The following IQCJ variants were observed in gnomAD, a reference collection of about 807,000 sequenced individuals.
IQCJ encodes IQ motif containing J.
IQCJ carries 9 observed loss-of-function variants against 11.0 expected under a neutral mutation model. That is an observed-to-expected ratio of 0.82 (90% CI 0.49 to 1.43). The LOEUF is 1.43. Among genes scored for constraint, IQCJ ranks in the 40% most tolerant of loss-of-function variants. IQCJ has a pLI of 0.00. For missense variants in IQCJ, 146 were observed against 133.2 expected, an observed-to-expected ratio of 1.10 and a Z score of -0.47; for synonymous variants, 55 against 51.3, an observed-to-expected ratio of 1.07 and a Z score of -0.31.
intron 1 of IQCJ, among the ~76,000 whole-genome samples, chr3:159,223,671 C>T (rs1725681283): frequency 6.6e-6 from 1 of 152,116 alleles, no homozygotes; most frequent in African/African-American, 2.4e-5. Flanking sequence ...ACCAAAAAGT[C>T]TTAGAAATAA....
At chr3:159,148,681 T>A (rs1280412795) in intron 1 of IQCJ, among the ~76,000 whole-genome samples, 1 of 152,238 alleles carries the variant, frequency 6.6e-6, no homozygotes, top group African/African-American at 2.4e-5. Context: ...CATCAAAGAT[T>A]CCCTTGCCAT....
intron 1 of IQCJ, among the ~76,000 whole-genome samples, chr3:159,176,740 T>C (rs752840852): frequency 6.6e-6 from 1 of 152,212 alleles, no homozygotes; most frequent in Non-Finnish European, 1.5e-5. Flanking sequence ...ATTTCTTTCA[T>C]ATACTCCAGT....
intron 3 of IQCJ, among the ~76,000 whole-genome samples, chr3:159,259,884 A>G (rs1331000923): frequency 6.6e-6 from 1 of 152,198 alleles, no homozygotes; most frequent in East Asian, 1.9e-4. Context: ...TATATATATC[A>G]TAGTATGTTT....
At chr3:159,129,281 T>C (rs563495001) in intron 1 of IQCJ, among the ~76,000 whole-genome samples, 60 of 152,340 alleles carry the variant, frequency 3.9e-4, no homozygotes, top group African/African-American at 1.4e-3. Context: ...TCTGCTGATT[T>C]GTGAAATAGG....
chr3:159,178,040 C>T (rs1319372959), intron 1 of IQCJ, among the ~76,000 whole-genome samples: 1 of 152,274 alleles, frequency 6.6e-6, no homozygotes, highest in East Asian at 1.9e-4. Flanking sequence ...TTTTATAACT[C>T]GCTCTTCTCT....
chr3:159,100,938 C>T, intron 1 of IQCJ, among the ~76,000 whole-genome samples: 1 of 29,948 alleles, frequency 3.3e-5, no homozygotes, highest in South Asian at 9.0e-4. Context: ...CTAAGCAAGC[C>T]TGGGCAATGG....
chr3:159,203,240 G>T (rs559591673), intron 1 of IQCJ, among the ~76,000 whole-genome samples: 2 of 146,850 alleles, frequency 1.4e-5, no homozygotes, highest in South Asian at 2.3e-4. Context: ...TTTACTGAAG[G>T]GACTCAGAGC....
At chr3:159,187,857 C>T (rs1723461352) in intron 1 of IQCJ, among the ~76,000 whole-genome samples, 1 of 152,126 alleles carries the variant, frequency 6.6e-6, no homozygotes, top group African/African-American at 2.4e-5. Context: ...CTTCAGCAAG[C>T]AGGACCTGGA....
chr3:159,148,006 GC>G (rs1009643063), intron 1 of IQCJ, among the ~76,000 whole-genome samples: 1 of 152,196 alleles, frequency 6.6e-6, no homozygotes, highest in Admixed American at 6.5e-5. Flanking sequence ...AAATCCTTGG[GC>G]CCCACCCCAG....
At chr3:159,071,287 C>A (rs562041171) in intron 1 of IQCJ, among the ~76,000 whole-genome samples, 2 of 151,924 alleles carry the variant, frequency 1.3e-5, no homozygotes, top group Non-Finnish European at 2.9e-5. Flanking sequence ...CATTAAAAAT[C>A]TGTGTAGGCT....
At chr3:159,221,235 G>A (rs1472190819) in intron 1 of IQCJ, among the ~76,000 whole-genome samples, 3 of 152,124 alleles carry the variant, frequency 2.0e-5, no homozygotes, top group Non-Finnish European at 4.4e-5. Context: ...ACCTCTTGGA[G>A]TTTAAATTTC....
At chr3:159,238,589 G>C (rs530085050) in intron 1 of IQCJ, among the ~76,000 whole-genome samples, 1 of 152,328 alleles carries the variant, frequency 6.6e-6, no homozygotes, top group East Asian at 1.9e-4. Context: ...AGAGCTGAGT[G>C]GGGGAGGCAG....
intron 1 of IQCJ, among the ~76,000 whole-genome samples, chr3:159,203,001 T>C (rs1047994716): frequency 2.6e-5 from 4 of 152,050 alleles, no homozygotes; most frequent in Admixed American, 2.6e-4. Flanking sequence ...GGGTTTTTAA[T>C]TGACTCTTAC....
chr3:159,255,040 C>G (rs1442358343), intron 3 of IQCJ, among the ~76,000 whole-genome samples: 1 of 152,234 alleles, frequency 6.6e-6, no homozygotes, highest in African/African-American at 2.4e-5. Context: ...TTGGGATATT[C>G]TCATTCCTGC....
chr3:159,101,829 G>A lies in IQCJ; in HGVS notation c.9+32388G>A, dbSNP rs9826407. Among the ~76,000 whole-genome samples the A allele has an allele frequency of 1.3e-3, 200 of 152,214 alleles. 1 individual carries two copies. Among genetic ancestry groups the A allele is most frequent in the African/African-American group, 3.2e-3 (131 of 41,532 alleles). On this transcript the variant is annotated intron_variant, in intron 1 of 3. Coordinates refer to ENST00000397832, the MANE Select transcript of IQCJ (RefSeq NM_001042706.3). ...GTTAACATGGTTTTTCTTAACTGTCGGAAAGACTAGACTCATTAAATTATT... is the reference window on the plus strand; with the variant it reads ...GTTAACATGGTTTTTCTTAACTGTCAGAAAGACTAGACTCATTAAATTATT...
Position 159,218,055 on chromosome 3 carries a change from ATAG to A in IQCJ, c.10-27787_10-27785del, listed in dbSNP as rs535617434. ...ATATACAATAATAATAATAATAATA[ATAG>A]CAAACACTTATGTACATGGTAGTCA... On this transcript the variant is annotated intron_variant, in intron 1 of 3. Transcript: ENST00000397832. 6.3e-4 allele frequency among the ~76,000 whole-genome samples: 88 copies of A among 138,756 alleles called. 1 individual carries two copies. The South Asian group carries it at 0.011, about 18-fold the overall frequency. 91.0% of individuals were successfully genotyped at this position (138,756 alleles called of 152,430 possible). A position where few individuals can be genotyped will look rare whatever the true frequency, so the allele number is the denominator to read the frequency against.
intron 1 of IQCJ, among the ~76,000 whole-genome samples, chr3:159,103,761 C>T (rs779256078): frequency 1.3e-5 from 2 of 152,214 alleles, no homozygotes; most frequent in Non-Finnish European, 2.9e-5. Context: ...AGAAGCAGCA[C>T]TCTCCTCTTT....
chr3:159,171,900 T>C (rs1434420045), intron 1 of IQCJ, among the ~76,000 whole-genome samples: 1 of 152,226 alleles, frequency 6.6e-6, no homozygotes, highest in African/African-American at 2.4e-5. Context: ...GTGATGTTGA[T>C]ACTTCTGGTC....
intron 1 of IQCJ, among the ~76,000 whole-genome samples, chr3:159,215,934 C>A (rs1026256518): frequency 1.3e-5 from 2 of 151,962 alleles, no homozygotes; most frequent in African/African-American, 4.8e-5. Context: ...CCACTGTACA[C>A]CCAGGGCCTA....
Sources: gnomAD v4.1 joint callset for allele counts (sites outside exome capture counted in the v4.1 genomes callset) on GRCh38, gnomAD v4.1.1 for gene constraint, MANE v1.5 for transcripts, NCBI Gene and HGNC (gene_info 2026-07-23, HGNC 2026-07-21) for gene names.